SRD5A2: variants seen among roughly 807,000 people sequenced by gnomAD.
The protein encoded by SRD5A2 is steroid 5 alpha-reductase 2.
A neutral mutation model predicts 27.4 loss-of-function variants in SRD5A2; 30 were observed. The observed-to-expected ratio is 1.10, with a 90% CI of 0.82 to 1.49. SRD5A2 has a LOEUF of 1.49. Among genes scored for constraint, SRD5A2 ranks in the 40% most tolerant of loss-of-function variants. The pLI is 0.00. For missense variants in SRD5A2, 348 were observed against 323.4 expected, an observed-to-expected ratio of 1.08 and a Z score of -0.58; for synonymous variants, 141 against 133.6, an observed-to-expected ratio of 1.06 and a Z score of -0.38.
chr2:31,630,936 T>C, the SRD5A2 span, among the ~76,000 whole-genome samples: 1 of 152,140 alleles, frequency 6.6e-6, no homozygotes, highest in African/African-American at 2.4e-5. Context: ...ACAATGGGTG[T>C]TCAGTAATTG....
chr2:31,655,214 G>C, the SRD5A2 span, among the ~76,000 whole-genome samples: 1,951 of 152,196 alleles, frequency 0.013, 25 homozygotes, highest in African/African-American at 0.016. Flanking sequence ...TGATTCTCCT[G>C]CCTCAGCCTC....
the SRD5A2 span, among the ~76,000 whole-genome samples, chr2:31,634,572 A>G: frequency 6.6e-6 from 1 of 152,114 alleles, no homozygotes; most frequent in South Asian, 2.1e-4. Context: ...TTTATTTTTT[A>G]TTAAGGATAT....
chr2:31,545,812 T>G (rs1666238334), intron 1 of SRD5A2, among the ~76,000 whole-genome samples: 1 of 151,698 alleles, frequency 6.6e-6, no homozygotes, highest in Admixed American at 6.5e-5. Flanking sequence ...TCTAGAACAC[T>G]CTAACGATTC....
At chr2:31,607,697 C>G in the SRD5A2 span, among the ~76,000 whole-genome samples, 1 of 151,986 alleles carries the variant, frequency 6.6e-6, no homozygotes, top group African/African-American at 2.4e-5. Context: ...TGCAGAGCAT[C>G]AGAAATTGAC....
chr2:31,651,363 TAGTC>T, the SRD5A2 span: 2 of 215,596 alleles, frequency 9.3e-6, no homozygotes, highest in Middle Eastern at 5.4e-4. Context: ...TAAAATGACT[TAGTC>T]AGACAACTAG....
chr2:31,551,827 G>A (rs905068668), intron 1 of SRD5A2, among the ~76,000 whole-genome samples: 4 of 152,146 alleles, frequency 2.6e-5, no homozygotes, highest in African/African-American at 9.7e-5. Flanking sequence ...ACTATGTGCT[G>A]TTGGTGGTGG....
At chr2:31,577,540 C>T (rs1666984406) in intron 1 of SRD5A2, among the ~76,000 whole-genome samples, 1 of 152,174 alleles carries the variant, frequency 6.6e-6, no homozygotes, top group Admixed American at 6.5e-5. Context: ...TGTGTGCCAT[C>T]CTTGTATTGA....
the SRD5A2 span, among the ~76,000 whole-genome samples, chr2:31,599,173 C>T: frequency 6.6e-6 from 1 of 151,848 alleles, no homozygotes; most frequent in Non-Finnish European, 1.5e-5. Flanking sequence ...AAAGAAAATA[C>T]TAGAGCAAAA....
the SRD5A2 span, among the ~76,000 whole-genome samples, chr2:31,609,971 G>C: frequency 3.4e-4 from 52 of 152,112 alleles, no homozygotes; most frequent in African/African-American, 1.1e-3. Context: ...ACTGAATCAG[G>C]AAGAAATAGA....
At chr2:31,574,872 G>C (rs780329247) in intron 1 of SRD5A2, among the ~76,000 whole-genome samples, 4 of 152,160 alleles carry the variant, frequency 2.6e-5, no homozygotes, top group African/African-American at 2.4e-5. Flanking sequence ...GCTTGTTTTT[G>C]TAAATAAAGC....
chr2:31,636,830 T>A, the SRD5A2 span, among the ~76,000 whole-genome samples: 7 of 152,152 alleles, frequency 4.6e-5, no homozygotes, highest in African/African-American at 1.7e-4. Flanking sequence ...TCCTATTTGA[T>A]CACGGTAAAT....
At chr2:31,535,554 A>G (rs148557779) in intron 1 of SRD5A2, among the ~76,000 whole-genome samples, 1 of 152,284 alleles carries the variant, frequency 6.6e-6, no homozygotes, top group Non-Finnish European at 1.5e-5. Context: ...AAAAAGCTGA[A>G]GGGGAAAGAA....
chr2:31,610,037 C>T, the SRD5A2 span, among the ~76,000 whole-genome samples: 1 of 152,030 alleles, frequency 6.6e-6, no homozygotes, highest in African/African-American at 2.4e-5. Context: ...AAAATGTTCC[C>T]ATCAAAGAAA....
At chr2:31,546,038 A>T (rs1026308252) in intron 1 of SRD5A2, among the ~76,000 whole-genome samples, 2 of 152,362 alleles carry the variant, frequency 1.3e-5, no homozygotes, top group Admixed American at 1.3e-4. Flanking sequence ...ATTATAAAAT[A>T]TTGCTGAAAG....
At chr2:31,569,373 G>A (rs1016602603) in intron 1 of SRD5A2, among the ~76,000 whole-genome samples, 19 of 152,346 alleles carry the variant, frequency 1.2e-4, no homozygotes, top group African/African-American at 4.6e-4. Flanking sequence ...TCAAAGGTAT[G>A]AGAGTTCCAG....
chr2:31,657,090 C>G, the SRD5A2 span, among the ~76,000 whole-genome samples: 3 of 152,128 alleles, frequency 2.0e-5, no homozygotes, highest in African/African-American at 7.2e-5. Flanking sequence ...GTATAGTATC[C>G]TAGCTAGGAT....
At chr2:31,531,320 TG>T in intron 3 of SRD5A2, 50 bp downstream of exon 3, 1 of 1,354,592 alleles carries the variant, frequency 7.4e-7, no homozygotes. Flanking sequence ...GCATCATCCC[TG>T]GGACAGGCTC....
At chr2:31,586,245 A>G in the SRD5A2 span, among the ~76,000 whole-genome samples, 2 of 152,136 alleles carry the variant, frequency 1.3e-5, no homozygotes, top group Non-Finnish European at 2.9e-5. Flanking sequence ...ATGCAATAGA[A>G]TGCCAGGTAG....
rs1393996639 is a variant in SRD5A2, at chr2:31,523,395, A to C, written c.*2801T>G. ...TGGCAGCCCTAAAGGCTGTGCCTTA[A>C]GCAGAAGAAGCATACATCTGACCCT... On this transcript the variant is annotated 3_prime_UTR_variant, in exon 5 of 5. Transcript: ENST00000622030. The C allele has an allele frequency of 4.7e-6, 1 of 214,576 alleles. No individual in the cohort carries two copies. Among genetic ancestry groups the C allele is most frequent in the Non-Finnish European group, 9.4e-6 (1 of 106,348 alleles). The allele number at this position is 214,576 out of a possible 1,614,324, so 13.3% of individuals were successfully genotyped here.
Sources: allele counts gnomAD v4.1 joint callset (sites outside exome capture counted in the v4.1 genomes callset), GRCh38; gene constraint gnomAD v4.1.1; transcripts MANE v1.5; gene names NCBI Gene and HGNC (gene_info 2026-07-23, HGNC 2026-07-21).